DLGAP1: variants seen among roughly 807,000 people sequenced by gnomAD.
The protein encoded by DLGAP1 is DLG associated protein 1, also known as disks large-associated protein 1.
A neutral mutation model predicts 90.8 loss-of-function variants in DLGAP1; 11 were observed. That is an observed-to-expected ratio of 0.12 (90% confidence interval 0.08 to 0.20). The LOEUF (loss-of-function observed/expected upper bound fraction) is 0.20, where lower values mean the gene tolerates loss of function less well. DLGAP1 is among the 10% of genes least tolerant of loss of function. The probability of loss-of-function intolerance (pLI) is 1.00; values close to 1 mark genes in which losing one functional copy is unlikely to be tolerated. For missense variants in DLGAP1, 1,050 were observed against 1,333.8 expected (o/e 0.79, Z 3.31); for synonymous variants, 558 against 540.7 (o/e 1.03, Z -0.44).
At chr18:3,839,482 A>G (rs2068585830) in intron 4 of DLGAP1, among the ~76,000 whole-genome samples, 1 of 152,120 alleles carries the variant, frequency 6.6e-6, no homozygotes, top group South Asian at 2.1e-4. Flanking sequence ...TTGGGACTTG[A>G]GTGATGGGAA....
intron 4 of DLGAP1, among the ~76,000 whole-genome samples, chr18:3,856,568 T>G (rs1168147800): frequency 6.6e-6 from 1 of 152,038 alleles, no homozygotes; most frequent in East Asian, 1.9e-4. Flanking sequence ...ATTTATAATA[T>G]AAAGAAATAC....
chr18:4,387,930 TACACACACACACAC>T lies in DLGAP1; in HGVS notation c.-267+67062_-267+67075del, dbSNP rs1171436413. 9.6e-3 allele frequency among the ~76,000 whole-genome samples: 1,182 copies of T among 123,318 alleles called. 17 individuals are homozygous for T. The highest frequency in any genetic ancestry group is 0.035 in the African/African-American group (1,137 of 32,470). The allele number at this position is 123,318 out of a possible 152,430, so 80.9% of individuals were successfully genotyped here. On this transcript the variant is annotated intron_variant, in intron 1 of 12. Coordinates refer to ENST00000315677, the MANE Select transcript of DLGAP1 (RefSeq NM_004746.4). Reference sequence around the variant, plus strand: ...TGGGTGACAGAGACTCCATCACACATACACACACACACACACACACACACACACACACACACACA... The same window carrying T: ...TGGGTGACAGAGACTCCATCACACATACACACACACACACACACACACACA...
At chr18:4,079,491 A>G (rs139537909) in intron 2 of DLGAP1, among the ~76,000 whole-genome samples, 104 of 152,192 alleles carry the variant, frequency 6.8e-4, no homozygotes, top group African/African-American at 2.4e-3. Flanking sequence ...CTATGGGTAC[A>G]CAAAGGCATA....
At chr18:3,518,271 A>T (rs1377486898) in intron 10 of DLGAP1, among the ~76,000 whole-genome samples, 1 of 152,216 alleles carries the variant, frequency 6.6e-6, no homozygotes, top group African/African-American at 2.4e-5. Context: ...CAGTCAGAAC[A>T]TAAACACCAT....
intron 7 of DLGAP1, among the ~76,000 whole-genome samples, chr18:3,707,523 C>T (rs1190025424): frequency 6.6e-6 from 1 of 151,566 alleles, no homozygotes; most frequent in East Asian, 1.9e-4. Flanking sequence ...TTGCTTGAAT[C>T]TGGGAGGCAG....
intron 1 of DLGAP1, among the ~76,000 whole-genome samples, chr18:4,159,063 A>G (rs917086311): frequency 6.6e-6 from 1 of 152,186 alleles, no homozygotes; most frequent in Admixed American, 6.5e-5. Context: ...TTCTACCCTA[A>G]TCCATTTGAA....
At chr18:4,401,941 T>A (rs1220811086) in intron 1 of DLGAP1, among the ~76,000 whole-genome samples, 2 of 152,184 alleles carry the variant, frequency 1.3e-5, no homozygotes, top group Non-Finnish European at 2.9e-5. Context: ...AAACTATATT[T>A]TAAGGCTGCA....
chr18:3,648,528 A>G (rs552191646), intron 7 of DLGAP1, among the ~76,000 whole-genome samples: 1 of 152,348 alleles, frequency 6.6e-6, no homozygotes, highest in South Asian at 2.1e-4. Flanking sequence ...AATTAATAGT[A>G]AGGTCAGACT....
intron 2 of DLGAP1, among the ~76,000 whole-genome samples, chr18:4,132,812 T>C (rs768056325): frequency 5.3e-5 from 8 of 152,176 alleles, no homozygotes; most frequent in Non-Finnish European, 7.4e-5. Flanking sequence ...TACATGTTGC[T>C]GGGTATTACG....
At chr18:3,941,292 A>C (rs2072762584) in intron 3 of DLGAP1, among the ~76,000 whole-genome samples, 1 of 152,202 alleles carries the variant, frequency 6.6e-6, no homozygotes. Context: ...GGAACACTGC[A>C]GTAGGGTTTG....
chr18:4,140,019 A>G (rs1205076852), intron 2 of DLGAP1, among the ~76,000 whole-genome samples: 1 of 151,786 alleles, frequency 6.6e-6, no homozygotes, highest in Non-Finnish European at 1.5e-5. Context: ...ATATTTTCTT[A>G]GTAGGCAACA....
intron 1 of DLGAP1, among the ~76,000 whole-genome samples, chr18:4,414,128 T>G (rs904747935): frequency 2.0e-5 from 3 of 152,168 alleles, no homozygotes; most frequent in Admixed American, 2.0e-4. Flanking sequence ...AAGTGATTAC[T>G]AAATAAGATA....
At position 4,287,785 on chromosome 18, in the gene DLGAP1, G is replaced by GTA. The variant is rs573761397; in HGVS notation, c.-266-136499_-266-136498insTA. 1.3e-3 allele frequency among the ~76,000 whole-genome samples: 193 copies of GTA among 151,968 alleles called. 1 individual carries two copies. Among genetic ancestry groups the GTA allele is most frequent in the African/African-American group, 4.3e-3 (179 of 41,448 alleles). ...TTGATGGATGCAGCAAACCACCATG[G>GTA]CACATGTATACCTATGTAACAAACC... On this transcript the variant is annotated intron_variant, in intron 1 of 12. Coordinates refer to ENST00000315677, the MANE Select transcript of DLGAP1 (RefSeq NM_004746.4).
At chr18:3,791,185 C>G (rs967196236) in intron 5 of DLGAP1, among the ~76,000 whole-genome samples, 1 of 152,138 alleles carries the variant, frequency 6.6e-6, no homozygotes, top group South Asian at 2.1e-4. Flanking sequence ...TGATATCCCT[C>G]AGAAAAGTAG....
chr18:3,564,521 G>A (rs1027024079), intron 9 of DLGAP1, among the ~76,000 whole-genome samples: 1 of 152,090 alleles, frequency 6.6e-6, no homozygotes. Flanking sequence ...AGAAAGTGCT[G>A]GCATATTTCA....
At chr18:3,756,142 C>G (rs190734109) in intron 5 of DLGAP1, among the ~76,000 whole-genome samples, 2 of 152,022 alleles carry the variant, frequency 1.3e-5, no homozygotes, top group Non-Finnish European at 2.9e-5. Context: ...CTCCGCCTCC[C>G]GGGTTCACGC....
At chr18:3,541,591 C>T (rs967905986) in intron 9 of DLGAP1, among the ~76,000 whole-genome samples, 1 of 152,156 alleles carries the variant, frequency 6.6e-6, no homozygotes, top group Non-Finnish European at 1.5e-5. Context: ...AAAGGTCTTT[C>T]CAAGTCTGTG....
chr18:3,673,688 A>C (rs1393823038), intron 7 of DLGAP1, among the ~76,000 whole-genome samples: 2 of 151,694 alleles, frequency 1.3e-5, no homozygotes, highest in Non-Finnish European at 2.9e-5. Context: ...CTGGGACTAC[A>C]GGCATGCGCC....
intron 7 of DLGAP1, among the ~76,000 whole-genome samples, chr18:3,621,226 T>G (rs1489087314): frequency 6.6e-6 from 1 of 152,160 alleles, no homozygotes; most frequent in East Asian, 1.9e-4. Flanking sequence ...TTTCCAGGCT[T>G]GACATATAAG....
Sources: gnomAD v4.1 joint callset for allele counts (sites outside exome capture counted in the v4.1 genomes callset) on GRCh38, gnomAD v4.1.1 for gene constraint, MANE v1.5 for transcripts, NCBI Gene and HGNC (gene_info 2026-07-23, HGNC 2026-07-21) for gene names.